The following USP42 variants were observed in gnomAD, a reference collection of about 807,000 sequenced individuals.
The protein encoded by USP42 is ubiquitin carboxyl-terminal hydrolase 42.
A neutral mutation model predicts 113.0 loss-of-function variants in USP42; 23 were observed. That is an observed-to-expected ratio of 0.20 (90% CI 0.15 to 0.29). The LOEUF (loss-of-function observed/expected upper bound fraction) is 0.29, where lower values mean the gene tolerates loss of function less well. Among genes scored for constraint, USP42 ranks in the 10% least tolerant of loss-of-function variants. USP42 has a pLI of 1.00. For synonymous variants in USP42, 933 were observed against 699.0 expected (o/e 1.33, Z -5.28); for missense variants, 2,174 against 1,779.8 (o/e 1.22, Z -3.99).
At chr7:6,131,644 A>G (rs1439410338) in intron 3 of USP42, among the ~76,000 whole-genome samples, 2 of 152,152 alleles carry the variant, frequency 1.3e-5, no homozygotes, top group Non-Finnish European at 2.9e-5. Context: ...GGTTGCCTGC[A>G]GTTGTTGGGG....
intron 3 of USP42, among the ~76,000 whole-genome samples, chr7:6,134,179 C>T (rs1189815903): frequency 6.6e-6 from 1 of 152,134 alleles, no homozygotes; most frequent in Non-Finnish European, 1.5e-5. Flanking sequence ...GTATGAGCCA[C>T]CAGGCTCAGC....
At position 6,154,912 on chromosome 7, in the gene USP42, G is replaced by A. The variant is rs1782345453; in HGVS notation, c.3358G>A (p.Gly1120Ser). ...GCACCGCCCCAGCAGCCCCCGCGCA[G>A]GCGCGCCCCACGCCCTCGCCCCGCA... ...ERHRPSSPRA[G>S]APHALAPHPD... Residue 1120 changes from glycine (G) to serine (S), a missense_variant, in exon 15 of 18, where the codon GGC (glycine) becomes AGC (serine). Physicochemically the swap from Gly to Ser is moderately conservative, Grantham distance 56. Transcript: ENST00000306177. 1 of 1,547,962 alleles carries A rather than the reference G, an allele frequency of 6.5e-7. No individual in the cohort carries two copies. The highest frequency in any genetic ancestry group is 1.4e-5 in the African/African-American group (1 of 72,928).
At chr7:6,092,030 TTC>T in the USP42 span, among the ~76,000 whole-genome samples, 212 of 110,088 alleles carry the variant, frequency 1.9e-3, no homozygotes, top group South Asian at 4.1e-3. Flanking sequence ...CTTCTTCTTC[TTC>T]TTCTTCTTCT....
At chr7:6,140,375 T>G (rs2128504693) in intron 6 of USP42, among the ~76,000 whole-genome samples, 180 bp downstream of exon 6, 1 of 152,298 alleles carries the variant, frequency 6.6e-6, no homozygotes, top group East Asian at 1.9e-4. Context: ...TCCTGGTAGT[T>G]TCCTGTGCAT....
At chr7:6,108,759 G>A (rs934855192) in intron 1 of USP42, among the ~76,000 whole-genome samples, 1 of 152,140 alleles carries the variant, frequency 6.6e-6, no homozygotes, top group African/African-American at 2.4e-5. Context: ...GATTACAGGC[G>A]TGAGCCACTG....
At chr7:6,100,542 C>T (rs1459917046), upstream of USP42, among the ~76,000 whole-genome samples, 8 of 150,796 alleles carry the variant, frequency 5.3e-5, no homozygotes, top group East Asian at 1.5e-3. Context: ...GTTGGCCAGG[C>T]TTGTCTCGAA....
chr7:6,153,691 A>G, intron 14 of USP42, 65 bp from the exon 15 acceptor site: 10 of 1,403,576 alleles, frequency 7.1e-6, no homozygotes, highest in Non-Finnish European at 9.3e-6. Flanking sequence ...TTGTCCTTGT[A>G]ATGCAATGAC....
chr7:6,157,444 T>G lies in USP42; in HGVS notation c.3943+389T>G. On this transcript the variant is annotated intron_variant, in intron 16 of 17. Coordinates refer to ENST00000306177, the MANE Select transcript of USP42 (RefSeq NM_032172.3). This position sits in a 1 kb window ranked among gnomAD's most constrained non-coding sequence, Gnocchi z 4.1. ...CGGAGTCTTGCTCTATTGCCCAGGC[T>G]GGAGTGCAGTGGCGGCGATCTCAGC... 3 of 928,592 alleles carry G rather than the reference T, an allele frequency of 3.2e-6. No individual in the cohort carries two copies. Among genetic ancestry groups the G allele is most frequent in the Non-Finnish European group, 3.9e-6 (3 of 778,120 alleles). The allele number at this position is 928,592 out of a possible 1,614,324, so 57.5% of individuals were successfully genotyped here. A position where few individuals can be genotyped will look rare whatever the true frequency, so the allele number is the denominator to read the frequency against.
In USP42 at chr7:6,145,562, A is replaced by G; in HGVS notation, c.1037A>G (p.Gln346Arg). 4 of 1,613,954 alleles carry G rather than the reference A, an allele frequency of 2.5e-6. No individual in the cohort carries two copies. Among genetic ancestry groups the G allele is most frequent in the Non-Finnish European group, 3.4e-6 (4 of 1,179,878 alleles). The part of the protein sequence containing the change: ...EYLDIRPYMS[Q>R]PNGEPIVYVL... ...CTTGATATTCGGCCATATATGTCTC[A>G]ACCCAACGGAGAGCCAATTGTCTAC... The change falls in exon 10 of 18, where the codon CAA becomes CGA. Residue 346 changes from glutamine to arginine, a missense_variant. Coordinates refer to ENST00000306177, the MANE Select transcript of USP42 (RefSeq NM_032172.3).
In USP42 at chr7:6,115,395, A is replaced by G. The variant is rs1330241577; in HGVS notation, c.314A>G (p.Gln105Arg). 6.2e-7 allele frequency: 1 copy of G among 1,614,086 alleles called. No individual in the cohort carries two copies. The change falls in exon 3 of 18, where the codon CAA becomes CGA. Residue 105 changes from glutamine to arginine, a missense_variant. Physicochemically the swap from Gln to Arg is conservative, Grantham distance 43. Transcript: ENST00000306177. ...GAGAAGATTTGTCTTAAGTGGCAAC[A>G]AACTCATAGAGTTGGAGCTGGGCTC... The part of the protein sequence containing the change: ...PSEKICLKWQ[Q>R]THRVGAGLQN...
the USP42 span, among the ~76,000 whole-genome samples, chr7:6,097,104 T>C: frequency 0.013 from 2,012 of 150,790 alleles, 39 homozygotes; most frequent in Middle Eastern, 0.061. Flanking sequence ...CGGGCTGCTA[T>C]CATCCTCTTT....
At chr7:6,106,519 A>G (rs1175704907) in intron 1 of USP42, among the ~76,000 whole-genome samples, 1 of 152,174 alleles carries the variant, frequency 6.6e-6, no homozygotes, top group Non-Finnish European at 1.5e-5. Flanking sequence ...AGCAAAGGAA[A>G]CACTTGTGAA....
chr7:6,104,716 C>G (rs987842399), upstream of USP42, among the ~76,000 whole-genome samples: 2 of 152,174 alleles, frequency 1.3e-5, no homozygotes, highest in Non-Finnish European at 2.9e-5. Flanking sequence ...TCTGCCGGCC[C>G]GACCGGCGCT....
chr7:6,084,832 C>T, the USP42 span, among the ~76,000 whole-genome samples: 5 of 150,294 alleles, frequency 3.3e-5, no homozygotes, highest in Admixed American at 1.3e-4. Flanking sequence ...GAGTCTCCTG[C>T]CTCAGCCTTC....
intron 2 of USP42, among the ~76,000 whole-genome samples, chr7:6,114,754 T>A (rs1219963912): frequency 3.0e-5 from 4 of 133,390 alleles, no homozygotes; most frequent in Non-Finnish European, 4.6e-5. Context: ...GCAGTGGCAC[T>A]ATCTCAGCTC....
At chr7:6,103,405 G>A (rs1258036852), upstream of USP42, among the ~76,000 whole-genome samples, 2 of 150,364 alleles carry the variant, frequency 1.3e-5, no homozygotes, top group African/African-American at 2.5e-5. Context: ...GCGTGGTGGC[G>A]GGCATCTGTA....
intron 2 of USP42, among the ~76,000 whole-genome samples, chr7:6,113,666 GGCTGGAGAGCA>G (rs1779724569): frequency 6.6e-6 from 1 of 151,572 alleles, no homozygotes; most frequent in African/African-American, 2.4e-5. Context: ...CTGTCGCCCA[GGCTGGAGAGCA>G]GTGTTGCAAT....
the USP42 span, among the ~76,000 whole-genome samples, chr7:6,087,598 A>C: frequency 6.6e-6 from 1 of 150,664 alleles, no homozygotes; most frequent in Non-Finnish European, 1.5e-5. Flanking sequence ...CGGCCTCCCA[A>C]AGTGCTGGGA....
intron 11 of USP42, among the ~76,000 whole-genome samples, chr7:6,146,560 A>C (rs923388516): frequency 2.6e-5 from 4 of 151,938 alleles, no homozygotes; most frequent in African/African-American, 4.8e-5. Flanking sequence ...TCTGCTCCGA[A>C]AGTTGAGGTG....
Sources: allele counts gnomAD v4.1 joint callset (sites outside exome capture counted in the v4.1 genomes callset), GRCh38; gene constraint gnomAD v4.1.1; non-coding constraint Gnocchi (gnomAD v3.1); transcripts MANE v1.5; gene names NCBI Gene and HGNC (gene_info 2026-07-23, HGNC 2026-07-21).